LDAH: variants seen among roughly 807,000 people sequenced by gnomAD.
The protein encoded by LDAH is lipid droplet-associated hydrolase.
In LDAH, 26 loss-of-function variants were observed where a neutral mutation model predicts 29.6. The observed-to-expected ratio is 0.88, with a 90% confidence interval of 0.64 to 1.22. The LOEUF (loss-of-function observed/expected upper bound fraction) is 1.22. Ranked by LOEUF, LDAH falls within the 50% of genes most tolerant of loss-of-function variation. The pLI is 0.00. For missense variants in LDAH, 344 were observed against 387.3 expected, an observed-to-expected ratio of 0.89 and a Z score of 0.94; for synonymous variants, 117 against 133.0, an observed-to-expected ratio of 0.88 and a Z score of 0.83.
intron 3 of LDAH, among the ~76,000 whole-genome samples, chr2:20,783,005 T>G (rs968381555): frequency 6.6e-6 from 1 of 152,206 alleles, no homozygotes; most frequent in Non-Finnish European, 1.5e-5. Context: ...CTACCAATTT[T>G]TATAAGTTGT....
At chr2:20,741,839 A>G (rs1226942400) in intron 4 of LDAH, among the ~76,000 whole-genome samples, 1 of 152,208 alleles carries the variant, frequency 6.6e-6, no homozygotes, top group Non-Finnish European at 1.5e-5. Flanking sequence ...CATTGAGTGC[A>G]TACACATTTT....
intron 1 of LDAH, among the ~76,000 whole-genome samples, chr2:20,811,735 C>T (rs974442923): frequency 2.2e-4 from 33 of 152,080 alleles, no homozygotes; most frequent in African/African-American, 7.0e-4. Context: ...CCACCCCTCT[C>T]GGCCTCCCAA....
chr2:20,725,779 G>T (rs776120249), intron 5 of LDAH, among the ~76,000 whole-genome samples: 5 of 152,224 alleles, frequency 3.3e-5, no homozygotes, highest in African/African-American at 1.2e-4. Context: ...CTAATCAGGA[G>T]TAGGCCTTTT....
At chr2:20,736,697 T>C (rs918938995) in intron 5 of LDAH, among the ~76,000 whole-genome samples, 2 of 152,114 alleles carry the variant, frequency 1.3e-5, no homozygotes, top group South Asian at 2.1e-4. Flanking sequence ...CTCTGTACCA[T>C]GAAGGATGAT....
At chr2:20,800,759 G>C (rs1412277165) in intron 2 of LDAH, among the ~76,000 whole-genome samples, 1 of 151,916 alleles carries the variant, frequency 6.6e-6, no homozygotes, top group African/African-American at 2.4e-5. Flanking sequence ...TCAGCCTCCC[G>C]AGTAGCTGGG....
intron 4 of LDAH, among the ~76,000 whole-genome samples, chr2:20,746,851 C>T (rs1002333433): frequency 2.0e-5 from 3 of 152,062 alleles, no homozygotes; most frequent in African/African-American, 7.2e-5. Flanking sequence ...AACATTTTCG[C>T]ATATTTCACA....
intron 1 of LDAH, among the ~76,000 whole-genome samples, chr2:20,813,759 A>T (rs1324496046): frequency 1.3e-5 from 2 of 152,224 alleles, no homozygotes; most frequent in Admixed American, 6.5e-5. Flanking sequence ...TAAGTCTTAC[A>T]GTCTTTGGAT....
intron 6 of LDAH, among the ~76,000 whole-genome samples, chr2:20,695,669 C>T (rs1046385945): frequency 5.9e-5 from 9 of 151,930 alleles, no homozygotes; most frequent in African/African-American, 1.7e-4. Flanking sequence ...AGGCTGGTCT[C>T]GAACTCCTGA....
chr2:20,745,623 G>T (rs1317754437), intron 4 of LDAH, among the ~76,000 whole-genome samples: 1 of 151,718 alleles, frequency 6.6e-6, no homozygotes, highest in Non-Finnish European at 1.5e-5. Context: ...ACATCATATT[G>T]TACCAATCTA....
rs545481646 is a variant in LDAH, at chr2:20,780,499, A to C, written c.299-5520T>G. On this transcript the variant is annotated intron_variant, in intron 3 of 6. Coordinates refer to ENST00000237822, the MANE Select transcript of LDAH (RefSeq NM_021925.4). The stretch of plus-strand genomic sequence containing the variant: ...TGTTTCCATGGCTGTTACTTGGAAA[A>C]AGCCATGAGTTCTGTGGCTATGTGT... Among the ~76,000 whole-genome samples, 28 of 152,262 alleles carry C rather than the reference A, an allele frequency of 1.8e-4. No homozygotes were observed. The South Asian group carries it at 3.1e-3, about 17-fold the overall frequency.
At chr2:20,750,965 T>C (rs1010921567) in intron 4 of LDAH, among the ~76,000 whole-genome samples, 1 of 152,160 alleles carries the variant, frequency 6.6e-6, no homozygotes, top group Non-Finnish European at 1.5e-5. Flanking sequence ...ATTGAGCACA[T>C]ATGGACATAA....
chr2:20,796,548 C>A (rs545782903), intron 2 of LDAH, among the ~76,000 whole-genome samples: 1 of 152,242 alleles, frequency 6.6e-6, no homozygotes, highest in South Asian at 2.1e-4. Context: ...ACTGACTGAG[C>A]CAAAAACTTT....
intron 5 of LDAH, among the ~76,000 whole-genome samples, chr2:20,737,930 G>A (rs1165755097): frequency 6.6e-6 from 1 of 151,990 alleles, no homozygotes; most frequent in Non-Finnish European, 1.5e-5. Flanking sequence ...GAGAACAAAG[G>A]CATTCCTAAT....
intron 1 of LDAH, among the ~76,000 whole-genome samples, chr2:20,808,733 C>T (rs1672264186): frequency 6.6e-6 from 1 of 151,390 alleles, no homozygotes; most frequent in Non-Finnish European, 1.5e-5. Flanking sequence ...ACCCTATATC[C>T]AGGTTTAATA....
At chr2:20,780,934 G>A (rs545485173) in intron 3 of LDAH, among the ~76,000 whole-genome samples, 1 of 152,112 alleles carries the variant, frequency 6.6e-6, no homozygotes, top group Non-Finnish European at 1.5e-5. Flanking sequence ...GTCCTGGCAA[G>A]AGAAAGCTCC....
chr2:20,700,908 A>G (rs1663882063), intron 6 of LDAH, among the ~76,000 whole-genome samples: 1 of 152,190 alleles, frequency 6.6e-6, no homozygotes, highest in Non-Finnish European at 1.5e-5. Flanking sequence ...AAATAACCAC[A>G]TGTGGCTAGT....
At chr2:20,696,870 C>T (rs993243473) in intron 6 of LDAH, among the ~76,000 whole-genome samples, 7 of 152,202 alleles carry the variant, frequency 4.6e-5, no homozygotes, top group African/African-American at 1.4e-4. Flanking sequence ...TTCTCCTTCC[C>T]ACCCTTCTTA....
In LDAH at chr2:20,691,457, G is replaced by A. The variant is rs145092339; in HGVS notation, c.787-4363C>T. On this transcript the variant is annotated intron_variant, in intron 6 of 6. Transcript: ENST00000237822. Reference sequence around the variant, plus strand: ...CTCACAAAGTACTGAAATTACAGGCGTGAGCCACAGCACCCAGCCTTCCCA... The same window carrying A: ...CTCACAAAGTACTGAAATTACAGGCATGAGCCACAGCACCCAGCCTTCCCA... 7.9e-4 allele frequency among the ~76,000 whole-genome samples: 121 copies of A among 152,244 alleles called. 1 individual carries two copies. Among genetic ancestry groups the A allele is most frequent in the African/African-American group, 2.5e-3 (105 of 41,542 alleles).
At chr2:20,815,056 A>G (rs1672757849) in intron 1 of LDAH, among the ~76,000 whole-genome samples, 1 of 152,204 alleles carries the variant, frequency 6.6e-6, no homozygotes, top group Non-Finnish European at 1.5e-5. Context: ...AAGAAATTCC[A>G]TGTATATTGA....
Sources: gnomAD v4.1 joint callset for allele counts (sites outside exome capture counted in the v4.1 genomes callset) on GRCh38, gnomAD v4.1.1 for gene constraint, MANE v1.5 for transcripts, NCBI Gene and HGNC (gene_info 2026-07-23, HGNC 2026-07-21) for gene names.